ABCA1: variants seen among roughly 807,000 people sequenced by gnomAD.
The protein encoded by ABCA1 is phospholipid-transporting ATPase ABCA1.
A neutral mutation model predicts 262.5 loss-of-function variants in ABCA1; 133 were observed. The ratio of observed to expected loss-of-function variants is 0.51; its 90% CI spans 0.44 to 0.59. The LOEUF (loss-of-function observed/expected upper bound fraction) is 0.59, where lower values mean the gene tolerates loss of function less well. Ranked by LOEUF, ABCA1 falls within the 20% of genes least tolerant of loss-of-function variation. The probability of loss-of-function intolerance (pLI) is 0.00; values close to 1 mark genes in which losing one functional copy is unlikely to be tolerated. For synonymous variants in ABCA1, 1,022 were observed against 1,043.5 expected (o/e 0.98, Z 0.40); for missense variants, 2,452 against 2,777.5 (o/e 0.88, Z 2.63).
intron 5 of ABCA1, among the ~76,000 whole-genome samples, chr9:104,874,392 C>T (rs897091678): frequency 4.6e-5 from 7 of 151,992 alleles, no homozygotes; most frequent in African/African-American, 1.4e-4. Context: ...GGCAAAACCC[C>T]GTCTCTACTA....
chr9:104,800,624 C>T, intron 34 of ABCA1, 40 bp from the exon 35 acceptor site: 1 of 1,588,098 alleles, frequency 6.3e-7, no homozygotes, highest in Non-Finnish European at 8.6e-7. Flanking sequence ...TGACTGTTCA[C>T]ATAGATAAGG....
intron 1 of ABCA1, among the ~76,000 whole-genome samples, chr9:104,908,442 G>A (rs988418917): frequency 5.9e-5 from 9 of 152,108 alleles, no homozygotes; most frequent in African/African-American, 1.7e-4. Flanking sequence ...AGAGGTGGGC[G>A]GATCACCTGA....
At chr9:104,867,708 C>T (rs777568036) in intron 5 of ABCA1, among the ~76,000 whole-genome samples, 1 of 152,102 alleles carries the variant, frequency 6.6e-6, no homozygotes, top group Non-Finnish European at 1.5e-5. Context: ...TAGTATTTTA[C>T]AGGGAATCAC....
chr9:104,806,968 G>A lies in ABCA1; in HGVS notation c.4275-538C>T, dbSNP rs2118914580. ...AAAACATAACAATGATGGAGAACAA[G>A]CTGGGCAAAAGCTTGGCAAAAAGAA... is the stretch of plus-strand genomic sequence containing the variant. On this transcript the variant is annotated intron_variant, in intron 30 of 49. Coordinates refer to ENST00000374736, the MANE Select transcript of ABCA1 (RefSeq NM_005502.4). 2.6e-5 allele frequency among the ~76,000 whole-genome samples: 4 copies of A among 152,336 alleles called. No homozygotes were observed. The Middle Eastern group carries it at 0.01, about 389-fold the overall frequency.
chr9:104,810,369 A>AT (rs1350539400), intron 29 of ABCA1, among the ~76,000 whole-genome samples: 2 of 152,124 alleles, frequency 1.3e-5, no homozygotes, highest in African/African-American at 4.8e-5. Context: ...CATCCCAAAT[A>AT]TAACAGAATA....
At chr9:104,906,029 A>G (rs1403132028) in intron 1 of ABCA1, among the ~76,000 whole-genome samples, 1 of 152,228 alleles carries the variant, frequency 6.6e-6, no homozygotes, top group Non-Finnish European at 1.5e-5. Flanking sequence ...ACGAGATAAT[A>G]TAAATAATTT....
intron 17 of ABCA1, 34 bp downstream of exon 17, chr9:104,825,649 C>A (rs1284302200): frequency 1.2e-6 from 2 of 1,603,388 alleles, no homozygotes; most frequent in Admixed American, 1.7e-5. Flanking sequence ...AGCTAGAAGT[C>A]ATATTTTCCA....
intron 13 of ABCA1, 82 bp downstream of exon 13, chr9:104,831,539 TA>T: frequency 8.5e-7 from 1 of 1,175,596 alleles, no homozygotes; most frequent in Non-Finnish European, 1.2e-6. Flanking sequence ...AATTTTTAGT[TA>T]AAATAAAGTA....
rs1404867252 is a variant in ABCA1 at position 104,858,598 on chromosome 9, C to T, written c.644G>A (p.Cys215Tyr). The T allele has an allele frequency of 3.1e-6, 5 of 1,614,204 alleles. No homozygotes were observed. The highest frequency in any genetic ancestry group is 2.2e-5 in the South Asian group (2 of 91,086). Residue 215 changes from cysteine (C) to tyrosine (Y), a missense_variant, in exon 7 of 50, where the codon TGT (cysteine) becomes TAT (tyrosine). Transcript: ENST00000374736. ...AGCCAGTTTCTCCCTTGGTAGGCCA[C>T]AAAGCTCAGAAACTTCTTGGTCACC... is the stretch of plus-strand genomic sequence containing the variant. ...QLGDQEVSEL[C>Y]GLPREKLAAA... is the part of the protein sequence containing the mutation.
intron 18 of ABCA1, among the ~76,000 whole-genome samples, chr9:104,823,117 T>C (rs1372036467): frequency 6.6e-6 from 1 of 151,028 alleles, no homozygotes; most frequent in African/African-American, 2.4e-5. Context: ...GTTCCATTTA[T>C]GTAACATTCT....
intron 3 of ABCA1, 38 bp downstream of exon 3, chr9:104,889,064 C>A (rs1461318945): frequency 6.4e-7 from 1 of 1,570,356 alleles, no homozygotes. Context: ...ATTTTCCCTG[C>A]CATTGGTGAG....
chr9:104,877,129 T>TG (rs913377143), intron 5 of ABCA1, among the ~76,000 whole-genome samples: 5 of 152,210 alleles, frequency 3.3e-5, no homozygotes, highest in Admixed American at 6.5e-5. Context: ...CAGAAAGCTC[T>TG]GGGGGGCAAT....
chr9:104,864,934 T>G (rs1439092428), intron 5 of ABCA1, among the ~76,000 whole-genome samples: 1 of 152,142 alleles, frequency 6.6e-6, no homozygotes, highest in African/African-American at 2.4e-5. Flanking sequence ...GGATGAGACA[T>G]AAGAACCCAG....
rs540600913 is a variant in ABCA1 at position 104,859,793 on chromosome 9, G to C, written c.544-1095C>G. 4.6e-5 allele frequency among the ~76,000 whole-genome samples: 7 copies of C among 152,268 alleles called. No individual in the cohort carries two copies. In the South Asian group the frequency reaches 1.5e-3, roughly 32 times the overall value. On this transcript the variant is annotated intron_variant, in intron 6 of 49. Transcript: ENST00000374736. ...AGGCCGGGTGCAGTGGGTCATGTCT[G>C]TAATTCCAACACTTTGGGAGGCCAA...
chr9:104,900,327 C>G (rs1336294603), intron 2 of ABCA1, among the ~76,000 whole-genome samples: 1 of 152,222 alleles, frequency 6.6e-6, no homozygotes, highest in Non-Finnish European at 1.5e-5. Flanking sequence ...TAAATACTTA[C>G]TAAGCATGTC....
At chr9:104,855,644 T>C (rs1381149351) in intron 7 of ABCA1, 2 of 1,455,298 alleles carry the variant, frequency 1.4e-6, no homozygotes, top group African/African-American at 1.4e-5. Context: ...TAACCAATAA[T>C]CACAACAAAG....
At chr9:104,790,374 G>C (rs950647619) in intron 44 of ABCA1, among the ~76,000 whole-genome samples, 2 of 152,012 alleles carry the variant, frequency 1.3e-5, no homozygotes, top group Non-Finnish European at 2.9e-5. Context: ...ACATTTATAA[G>C]GAATTTATTA....
Position 104,803,292 on chromosome 9 carries a change from A to T in ABCA1, c.4584T>A (p.Asn1528Lys). The change falls in exon 33 of 50, where the codon AAT becomes AAA. Residue 1528 changes from asparagine to lysine, a missense_variant. By Grantham distance (94) the Asn-to-Lys change is moderately conservative. This residue lies in a region of ABCA1 where 752 missense variants were observed against 944.5 expected (regional missense o/e 0.80). Transcript: ENST00000374736. ...AKSLKNKIWVNEFRYGGFSLG... is the reference protein window; with the variant it reads ...AKSLKNKIWVKEFRYGGFSLG... ...GAAAGACAGCAACTTACCTAAACTC[A>T]TTCACCCAGATCTTGTTCTTTAAGC... is the stretch of plus-strand genomic sequence containing the variant. 1 of 1,613,250 alleles carries T rather than the reference A, an allele frequency of 6.2e-7. No individual in the cohort carries two copies. The highest frequency in any genetic ancestry group is 8.5e-7 in the Non-Finnish European group (1 of 1,179,182).
At chr9:104,848,465 A>G (rs1051081430) in intron 7 of ABCA1, among the ~76,000 whole-genome samples, 1 of 152,066 alleles carries the variant, frequency 6.6e-6, no homozygotes, top group South Asian at 2.1e-4. Context: ...AAGTACAAAA[A>G]TTAGCCAGGC....
Sources: allele counts gnomAD v4.1 joint callset (sites outside exome capture counted in the v4.1 genomes callset), GRCh38; gene constraint gnomAD v4.1.1; regional missense constraint gnomAD v4.1.1; transcripts MANE v1.5; gene names NCBI Gene and HGNC (gene_info 2026-07-23, HGNC 2026-07-21).